The following EVC2 variants were observed in gnomAD, a reference collection of about 807,000 sequenced individuals.
EVC2 encodes the protein EvC ciliary complex subunit 2, also known as limbin.
EVC2 carries 148 observed loss-of-function variants against 149.3 expected under a neutral mutation model. The ratio of observed to expected loss-of-function variants is 0.99; its 90% CI spans 0.87 to 1.14. The LOEUF is 1.14. Ranked by LOEUF, EVC2 falls within the 50% of genes most tolerant of loss-of-function variation. EVC2 has a pLI of 0.00. For missense variants in EVC2, 1,854 were observed against 1,627.3 expected (o/e 1.14, Z -2.40); for synonymous variants, 776 against 649.9 (o/e 1.19, Z -2.95).
rs1041638769 is a variant in EVC2, at chr4:5,622,677, C to A, written c.2361G>T (p.Arg787=). ...TCTCCTCCCCCTCCAGCTGCTCGGC[C>A]CGTGCAGCCATCTCCTTGCCGTGCT... ...LEEHGKEMAA[R]AEQLEGEERD... Residue 787 remains arginine (R), a synonymous_variant, in exon 14 of 22, where the codon CGG becomes CGT. Coordinates refer to ENST00000344408, the MANE Select transcript of EVC2 (RefSeq NM_147127.5). This position sits in a 1 kb window ranked among gnomAD's most constrained non-coding sequence, Gnocchi z 5.8. 6.2e-7 allele frequency: 1 copy of A among 1,614,130 alleles called. No individual in the cohort carries two copies. Among genetic ancestry groups the A allele is most frequent in the East Asian group, 2.2e-5 (1 of 44,846 alleles).
Position 5,574,835 on chromosome 4 carries a change from CTA to C in EVC2, c.3273-65_3273-64del, listed in dbSNP as rs572602877. 1.6e-3 allele frequency: 2,414 copies of C among 1,483,720 alleles called. 11 individuals carry two copies. The highest frequency in any genetic ancestry group is 1.5e-3 in the Non-Finnish European group (1,634 of 1,063,296). The allele number at this position is 1,483,720 out of a possible 1,614,324, so 91.9% of individuals were successfully genotyped here. A position where few individuals can be genotyped will look rare whatever the true frequency, so the allele number is the denominator to read the frequency against. ...TTATAAAGTGATACTATGAGATCAT[CTA>C]GTTATTTAAATAACAAAGAAGCACA... On this transcript the variant is annotated intron_variant, in intron 18 of 21. Coordinates refer to ENST00000344408, the MANE Select transcript of EVC2 (RefSeq NM_147127.5).
the EVC2 span, among the ~76,000 whole-genome samples, chr4:5,537,225 G>C: frequency 2.6e-5 from 4 of 152,208 alleles, no homozygotes; most frequent in Non-Finnish European, 5.9e-5. Flanking sequence ...GGGAGTTCAA[G>C]AGATTGCAGG....
At chr4:5,698,714 C>T (rs895055955) in intron 1 of EVC2, among the ~76,000 whole-genome samples, 2 of 152,232 alleles carry the variant, frequency 1.3e-5, no homozygotes, top group African/African-American at 4.8e-5. Context: ...TTGTACAGCA[C>T]TACCCCCAGT....
intron 9 of EVC2, among the ~76,000 whole-genome samples, chr4:5,642,439 T>A (rs1180828210): frequency 6.6e-6 from 1 of 152,218 alleles, no homozygotes; most frequent in Non-Finnish European, 1.5e-5. Flanking sequence ...ACTAAATGCT[T>A]CTTTATAAGG....
downstream of EVC2, among the ~76,000 whole-genome samples, chr4:5,540,896 G>A (rs1003099080): frequency 3.9e-5 from 6 of 152,022 alleles, no homozygotes; most frequent in African/African-American, 1.4e-4. Context: ...ATTCTAAAAC[G>A]TGGACACCAT....
chr4:5,650,638 TAGAGAG>T lies in EVC2; in HGVS notation c.1146-9806_1146-9801del, dbSNP rs375595646. On this transcript the variant is annotated intron_variant, in intron 9 of 21. Coordinates refer to ENST00000344408, the MANE Select transcript of EVC2 (RefSeq NM_147127.5). The stretch of plus-strand genomic sequence containing the variant: ...ATATATATATATATATATATATATA[TAGAGAG>T]AGAGAGAGAGAGAGAGAGAGAGAGA... 7.9e-3 allele frequency among the ~76,000 whole-genome samples: 354 copies of T among 44,980 alleles called. 6 individuals carry two copies. Among genetic ancestry groups the T allele is most frequent in the East Asian group, 0.015 (17 of 1,132 alleles). The allele number at this position is 44,980 out of a possible 152,430, so 29.5% of individuals were successfully genotyped here.
rs374119727 is a variant in EVC2 at position 5,670,998 on chromosome 4, G to T, written c.871-5349C>A. ...TCAACACCATCATGACACCATCAGC[G>T]GCAGCAACACCATTACCACTGTCAT... On this transcript the variant is annotated intron_variant, in intron 7 of 21. Coordinates refer to ENST00000344408, the MANE Select transcript of EVC2 (RefSeq NM_147127.5). The surrounding 1 kb of genome is among the most constrained non-coding windows in gnomAD (Gnocchi z 5.2). Among the ~76,000 whole-genome samples, 1 of 151,966 alleles carries T rather than the reference G, an allele frequency of 6.6e-6. No homozygotes were observed. The highest frequency in any genetic ancestry group is 1.5e-5 in the Non-Finnish European group (1 of 68,002).
At chr4:5,647,219 A>T (rs1468455641) in intron 9 of EVC2, among the ~76,000 whole-genome samples, 4 of 152,138 alleles carry the variant, frequency 2.6e-5, no homozygotes, top group African/African-American at 4.8e-5. Flanking sequence ...CAGCCCCTCA[A>T]GCCTTCTGGG....
chr4:5,575,223 C>T (rs111293385), intron 18 of EVC2, among the ~76,000 whole-genome samples: 109 of 152,344 alleles, frequency 7.2e-4, no homozygotes, highest in African/African-American at 2.2e-3. Flanking sequence ...GTCTGCTTAA[C>T]ACATGCCTTA....
At chr4:5,572,636 A>G (rs56050673) in intron 19 of EVC2, among the ~76,000 whole-genome samples, 18,444 of 152,208 alleles carry the variant, frequency 0.12, 2,350 homozygotes, top group African/African-American at 0.32. Flanking sequence ...AAGAATTTCT[A>G]TTCTTTATAA....
chr4:5,659,184 C>T (rs962652411), intron 9 of EVC2, among the ~76,000 whole-genome samples: 7 of 152,054 alleles, frequency 4.6e-5, no homozygotes, highest in Non-Finnish European at 8.8e-5. Flanking sequence ...AATCAAGTCA[C>T]GTAATGGCAT....
intron 9 of EVC2, among the ~76,000 whole-genome samples, chr4:5,644,960 T>C (rs1305135232): frequency 1.3e-5 from 2 of 152,256 alleles, no homozygotes; most frequent in African/African-American, 4.8e-5. Flanking sequence ...ACATTTTGGC[T>C]ACTGTAAATA....
chr4:5,666,573 C>A (rs187073464), intron 7 of EVC2, among the ~76,000 whole-genome samples: 1 of 152,216 alleles, frequency 6.6e-6, no homozygotes, highest in African/African-American at 2.4e-5. Flanking sequence ...CTTAATAATA[C>A]TATCTGTTAC....
At chr4:5,579,693 T>G (rs1187290563) in intron 17 of EVC2, among the ~76,000 whole-genome samples, 1 of 151,940 alleles carries the variant, frequency 6.6e-6, no homozygotes, top group Non-Finnish European at 1.5e-5. Context: ...AATACAAAAT[T>G]AGCTGGGCAT....
chr4:5,549,665 A>G (rs1721695660), intron 21 of EVC2, among the ~76,000 whole-genome samples: 1 of 152,218 alleles, frequency 6.6e-6, no homozygotes, highest in African/African-American at 2.4e-5. Context: ...TGAACCCAGA[A>G]TTCTGATTCC....
chr4:5,599,669 T>G (rs1713805827), intron 16 of EVC2, among the ~76,000 whole-genome samples: 1 of 152,064 alleles, frequency 6.6e-6, no homozygotes, highest in Admixed American at 6.6e-5. Flanking sequence ...CATGTATACA[T>G]ATGTAACTAA....
At chr4:5,672,648 C>T (rs1719723858) in intron 7 of EVC2, among the ~76,000 whole-genome samples, 1 of 152,320 alleles carries the variant, frequency 6.6e-6, no homozygotes, top group South Asian at 2.1e-4. Context: ...AATTACCATA[C>T]AACCGAGCAA....
the EVC2 span, among the ~76,000 whole-genome samples, chr4:5,537,663 T>G: frequency 6.6e-6 from 1 of 152,110 alleles, no homozygotes; most frequent in African/African-American, 2.4e-5. Context: ...TTAAAATGAT[T>G]GGCATTCAAT....
At chr4:5,701,020 T>C (rs1721790946) in intron 1 of EVC2, among the ~76,000 whole-genome samples, 1 of 152,244 alleles carries the variant, frequency 6.6e-6, no homozygotes, top group Non-Finnish European at 1.5e-5. Flanking sequence ...TGGACTAAAG[T>C]CAAAGTATTG....
Sources: gnomAD v4.1 joint callset for allele counts (sites outside exome capture counted in the v4.1 genomes callset) on GRCh38, gnomAD v4.1.1 for gene constraint, Gnocchi (gnomAD v3.1) non-coding constraint, MANE v1.5 for transcripts, NCBI Gene and HGNC (gene_info 2026-07-23, HGNC 2026-07-21) for gene names.